ERGIC1: variants seen among roughly 807,000 people sequenced by gnomAD.
ERGIC1 encodes the protein endoplasmic reticulum-golgi intermediate compartment 1, also known as endoplasmic reticulum-Golgi intermediate compartment protein 1.
In ERGIC1, 19 loss-of-function variants were observed where a neutral mutation model predicts 38.3. The observed-to-expected ratio is 0.50, with a 90% confidence interval of 0.35 to 0.73. ERGIC1 has a LOEUF of 0.73. ERGIC1 is among the 30% of genes least tolerant of loss of function. The pLI, the probability that ERGIC1 is intolerant of heterozygous loss-of-function variation, is 0.01. For missense variants in ERGIC1, 294 were observed against 389.2 expected, an observed-to-expected ratio of 0.76 and a Z score of 2.06; for synonymous variants, 124 against 157.6, an observed-to-expected ratio of 0.79 and a Z score of 1.60.
intron 1 of ERGIC1, among the ~76,000 whole-genome samples, chr5:172,845,527 T>C (rs1336565992): frequency 1.3e-5 from 2 of 152,216 alleles, no homozygotes; most frequent in Non-Finnish European, 2.9e-5. Flanking sequence ...TGAGGGCCTG[T>C]GTGCCAGGTA....
At chr5:172,941,741 C>T (rs1764016079) in intron 9 of ERGIC1, among the ~76,000 whole-genome samples, 1 of 152,208 alleles carries the variant, frequency 6.6e-6, no homozygotes, top group Admixed American at 6.5e-5. Context: ...ATCACAGCTT[C>T]ACACAAACCA....
At chr5:172,949,425 G>A (rs2113498659) in intron 9 of ERGIC1, among the ~76,000 whole-genome samples, 1 of 152,322 alleles carries the variant, frequency 6.6e-6, no homozygotes, top group African/African-American at 2.4e-5. Flanking sequence ...GGGATTCACT[G>A]GGGTGGTAGG....
intron 9 of ERGIC1, among the ~76,000 whole-genome samples, chr5:172,940,697 C>T (rs1168053323): frequency 6.6e-6 from 1 of 152,114 alleles, no homozygotes; most frequent in Non-Finnish European, 1.5e-5. Flanking sequence ...TGGAGAGTTG[C>T]GCAGCTCCCT....
intron 1 of ERGIC1, among the ~76,000 whole-genome samples, chr5:172,839,536 A>C (rs1310486225): frequency 1.3e-5 from 2 of 152,046 alleles, no homozygotes; most frequent in East Asian, 3.9e-4. Context: ...TGCATTCCAC[A>C]CTGGGTAACA....
chr5:172,894,863 C>T (rs1237296440), intron 2 of ERGIC1, among the ~76,000 whole-genome samples: 1 of 152,242 alleles, frequency 6.6e-6, no homozygotes, highest in Non-Finnish European at 1.5e-5. Flanking sequence ...TCCCTTCCCT[C>T]GGAATGCATC....
In ERGIC1 at chr5:172,834,400, C is replaced by CCGG. The variant is rs1421977594; in HGVS notation, c.-6_-4dup. 8 of 1,326,064 alleles carry CCGG rather than the reference C, an allele frequency of 6.0e-6. No individual in the cohort carries two copies. The African/African-American group carries it at 1.2e-4, about 20-fold the overall frequency. The allele number at this position is 1,326,064 out of a possible 1,614,324, so 82.1% of individuals were successfully genotyped here. On this transcript the variant is annotated 5_prime_UTR_variant, in exon 1 of 10. Transcript: ENST00000393784. The surrounding 1 kb of genome is among the most constrained non-coding windows in gnomAD (Gnocchi z 4.1). Reference sequence around the variant, plus strand: ...CGCCTGGCCTGCAGCGCTCCCACCCCCGGCGGCGGCACGATGCCCTTTGAC... The same window carrying CCGG: ...CGCCTGGCCTGCAGCGCTCCCACCCCCGGCGGCGGCGGCACGATGCCCTTTGAC...
intron 5 of ERGIC1, among the ~76,000 whole-genome samples, chr5:172,920,741 C>T (rs1435418289): frequency 1.3e-5 from 2 of 152,198 alleles, no homozygotes; most frequent in African/African-American, 2.4e-5. Flanking sequence ...TCCCGGAGCA[C>T]GCGGCCCAGG....
chr5:172,944,918 C>T (rs1024043609), intron 9 of ERGIC1, among the ~76,000 whole-genome samples: 9 of 152,254 alleles, frequency 5.9e-5, no homozygotes, highest in Non-Finnish European at 1.3e-4. Context: ...GGCTGACACC[C>T]CTGAGCGAGT....
intron 2 of ERGIC1, among the ~76,000 whole-genome samples, chr5:172,889,574 C>T (rs1475374560): frequency 6.6e-6 from 1 of 152,110 alleles, no homozygotes; most frequent in Non-Finnish European, 1.5e-5. Flanking sequence ...ACTTGAAAGT[C>T]AGCCTGCAGC....
rs58360974 is a variant in ERGIC1, at chr5:172,910,520, C to CTTT, written c.250+778_250+780dup. On this transcript the variant is annotated intron_variant, in intron 4 of 9. Coordinates refer to ENST00000393784, the MANE Select transcript of ERGIC1 (RefSeq NM_001031711.3). ...TTTTAACCAAAAGAATGAATTACTT[C>CTTT]TTTTTTTTTTTTTTTTTTTTTGAGA... 5.5e-3 allele frequency among the ~76,000 whole-genome samples: 760 copies of CTTT among 138,862 alleles called. 11 individuals carry two copies. Among genetic ancestry groups the CTTT allele is most frequent in the African/African-American group, 0.02 (691 of 35,394 alleles). 91.1% of individuals were successfully genotyped at this position (138,862 alleles called of 152,430 possible).
At chr5:172,921,309 T>C (rs1763513843) in intron 5 of ERGIC1, among the ~76,000 whole-genome samples, 2 of 152,240 alleles carry the variant, frequency 1.3e-5, no homozygotes, top group African/African-American at 4.8e-5. Context: ...GGCGATGCTG[T>C]CCCTCGAGGG....
intron 1 of ERGIC1, among the ~76,000 whole-genome samples, chr5:172,871,837 C>T (rs1762018054): frequency 1.3e-5 from 2 of 152,212 alleles, no homozygotes; most frequent in Non-Finnish European, 2.9e-5. Context: ...CTGTGTCTTT[C>T]TTTTCATTTA....
intron 1 of ERGIC1, among the ~76,000 whole-genome samples, chr5:172,867,998 G>A (rs150148393): frequency 0.01 from 1,537 of 152,268 alleles, 19 homozygotes; most frequent in Middle Eastern, 0.024. Context: ...GATTTGAGCC[G>A]AAAGCTGGGT....
chr5:172,884,244 G>A (rs969733943), intron 1 of ERGIC1, among the ~76,000 whole-genome samples: 16 of 90,610 alleles, frequency 1.8e-4, no homozygotes, highest in East Asian at 9.7e-4. Context: ...GGAACCCCAA[G>A]TTTTTTTTTT....
intron 1 of ERGIC1, among the ~76,000 whole-genome samples, chr5:172,845,044 A>G (rs56412593): frequency 1.9e-4 from 29 of 151,696 alleles, no homozygotes; most frequent in Admixed American, 9.2e-4. Flanking sequence ...AGGGGTATAT[A>G]GGGGGGACAG....
At chr5:172,899,859 T>G (rs1401079792) in intron 3 of ERGIC1, among the ~76,000 whole-genome samples, 1 of 152,242 alleles carries the variant, frequency 6.6e-6, no homozygotes, top group East Asian at 1.9e-4. Flanking sequence ...CAAACAAGAT[T>G]ATTTAGCTGA....
chr5:172,912,715 C>G (rs1042582423), intron 4 of ERGIC1, among the ~76,000 whole-genome samples: 1 of 151,976 alleles, frequency 6.6e-6, no homozygotes, highest in African/African-American at 2.4e-5. Flanking sequence ...ATAAAAGGCA[C>G]TTAGAAGAGA....
chr5:172,924,389 G>C (rs781165252), intron 6 of ERGIC1, among the ~76,000 whole-genome samples: 1 of 152,210 alleles, frequency 6.6e-6, no homozygotes, highest in Non-Finnish European at 1.5e-5. Context: ...ATCAGTAAGC[G>C]TATGTGACAC....
chr5:172,871,157 TC>T (rs964493958), intron 1 of ERGIC1, among the ~76,000 whole-genome samples: 4 of 152,172 alleles, frequency 2.6e-5, no homozygotes, highest in African/African-American at 9.7e-5. Flanking sequence ...GCTGCAGAGG[TC>T]CCCGTGGGGG....
Sources: allele counts gnomAD v4.1 joint callset (sites outside exome capture counted in the v4.1 genomes callset), GRCh38; gene constraint gnomAD v4.1.1; non-coding constraint Gnocchi (gnomAD v3.1); transcripts MANE v1.5; gene names NCBI Gene and HGNC (gene_info 2026-07-23, HGNC 2026-07-21).